The following COL24A1 variants were observed in gnomAD, a reference collection of about 807,000 sequenced individuals.
COL24A1 encodes collagen type XXIV alpha 1 chain, also known as collagen alpha-1(XXIV) chain.
In COL24A1, 224 loss-of-function variants were observed where a neutral mutation model predicts 253.9. The ratio of observed to expected loss-of-function variants is 0.88; its 90% CI spans 0.79 to 0.99. COL24A1 has a LOEUF of 0.99. Among genes scored for constraint, COL24A1 ranks in the 50% least tolerant of loss-of-function variants. The pLI is 0.00. For missense variants in COL24A1, 2,131 were observed against 2,068.5 expected (o/e 1.03, Z -0.59); for synonymous variants, 685 against 673.7 (o/e 1.02, Z -0.26).
intron 47 of COL24A1, among the ~76,000 whole-genome samples, chr1:85,812,057 G>A (rs1414806561): frequency 6.6e-6 from 1 of 152,082 alleles, no homozygotes; most frequent in East Asian, 1.9e-4. Context: ...AGCTTGCTCC[G>A]ATTGAAACTG....
intron 48 of COL24A1, among the ~76,000 whole-genome samples, 192 bp from the exon 49 acceptor site, chr1:85,784,558 A>C (rs1669477545): frequency 6.6e-6 from 1 of 152,158 alleles, no homozygotes; most frequent in East Asian, 1.9e-4. Flanking sequence ...ATAATGTACC[A>C]GAAGAGTAGC....
intron 37 of COL24A1, among the ~76,000 whole-genome samples, chr1:85,859,148 T>C (rs765177613): frequency 5.3e-5 from 8 of 152,198 alleles, no homozygotes; most frequent in Non-Finnish European, 1.2e-4. Flanking sequence ...GAACCTTGTC[T>C]GTTTTGTTCA....
intron 58 of COL24A1, chr1:85,736,554 G>A: frequency 4.4e-6 from 2 of 452,316 alleles, no homozygotes; most frequent in South Asian, 3.1e-5. Flanking sequence ...TAATAATGGT[G>A]AATGCCTATT....
intron 32 of COL24A1, among the ~76,000 whole-genome samples, chr1:85,887,531 G>T (rs1185956482): frequency 3.3e-5 from 5 of 151,800 alleles, no homozygotes; most frequent in Non-Finnish European, 5.9e-5. Flanking sequence ...GGGTCATGTG[G>T]TCTCTGTCAA....
chr1:85,998,989 G>C (rs1204969251), intron 19 of COL24A1, among the ~76,000 whole-genome samples: 2 of 152,176 alleles, frequency 1.3e-5, no homozygotes, highest in East Asian at 1.9e-4. Flanking sequence ...AAACTGTCAG[G>C]CTAAATTGTT....
At chr1:86,065,687 A>C (rs1479728878) in intron 7 of COL24A1, among the ~76,000 whole-genome samples, 1 of 151,732 alleles carries the variant, frequency 6.6e-6, no homozygotes. Flanking sequence ...CCAGCTACTC[A>C]AGATGCTGAG....
intron 24 of COL24A1, among the ~76,000 whole-genome samples, chr1:85,943,677 T>C (rs1298721965): frequency 1.3e-5 from 2 of 152,232 alleles, no homozygotes; most frequent in Non-Finnish European, 1.5e-5. Context: ...ACAACATATG[T>C]TTATAAAATG....
intron 19 of COL24A1, among the ~76,000 whole-genome samples, chr1:85,999,403 T>C (rs1057513944): frequency 1.3e-5 from 2 of 152,104 alleles, no homozygotes; most frequent in Non-Finnish European, 2.9e-5. Context: ...GGTGGGCAGA[T>C]AGGCAGATAG....
chr1:85,827,215 T>C (rs1674484049), intron 43 of COL24A1, among the ~76,000 whole-genome samples: 2 of 152,040 alleles, frequency 1.3e-5, no homozygotes, highest in South Asian at 2.1e-4. Flanking sequence ...TCTGTTTATA[T>C]GGTGGATTAC....
At chr1:85,811,792 T>G (rs1051218491) in intron 47 of COL24A1, among the ~76,000 whole-genome samples, 12 of 152,230 alleles carry the variant, frequency 7.9e-5, no homozygotes, top group Non-Finnish European at 1.6e-4. Flanking sequence ...TTTGCCAGGT[T>G]GCCAGTTTTG....
At chr1:85,756,057 C>CAAAAAAA (rs200030128) in intron 55 of COL24A1, among the ~76,000 whole-genome samples, 17 of 95,806 alleles carry the variant, frequency 1.8e-4, no homozygotes, top group East Asian at 3.3e-4. Flanking sequence ...TACTAACAAC[C>CAAAAAAA]AAAAAAAAAA....
rs553805119 is a variant in COL24A1, at chr1:86,008,402, G to T, written c.2310+8749C>A. Reference sequence around the variant, plus strand: ...TGGGACTATAAATGCACACCACCATGCCAGGCTAATTTTTGTGTCTTTTTT... The same window carrying T: ...TGGGACTATAAATGCACACCACCATTCCAGGCTAATTTTTGTGTCTTTTTT... On this transcript the variant is annotated intron_variant, in intron 19 of 59. Coordinates refer to ENST00000370571, the MANE Select transcript of COL24A1 (RefSeq NM_152890.7). 1.7e-3 allele frequency among the ~76,000 whole-genome samples: 263 copies of T among 152,078 alleles called. 1 individual carries two copies. Among genetic ancestry groups the T allele is most frequent in the Middle Eastern group, 3.4e-3 (1 of 294 alleles).
Position 86,156,392 on chromosome 1 carries a change from T to A in COL24A1, c.5A>T (p.His2Leu), listed in dbSNP as rs1653628022. 6.2e-7 allele frequency: 1 copy of A among 1,611,748 alleles called. No individual in the cohort carries two copies. The highest frequency in any genetic ancestry group is 2.2e-5 in the East Asian group (1 of 44,740). Residue 2 changes from histidine to leucine, a missense_variant, in exon 1 of 60, where the codon CAT becomes CTT. Physicochemically the swap from His to Leu is moderately conservative, Grantham distance 99 (BLOSUM62 -3). Transcript: ENST00000370571. M[H>L]LRAHRTRRGK... Reference sequence around the variant, plus strand: ...ACGCCTTGTTCTGTGGGCTCTTAAATGCATTTGTATGCATTTGTCCGTGCA... The same window carrying A: ...ACGCCTTGTTCTGTGGGCTCTTAAAAGCATTTGTATGCATTTGTCCGTGCA...
intron 24 of COL24A1, among the ~76,000 whole-genome samples, chr1:85,917,092 C>T (rs1685964957): frequency 6.6e-6 from 1 of 152,084 alleles, no homozygotes; most frequent in African/African-American, 2.4e-5. Context: ...ACCTCAACAC[C>T]AGCTAAAATT....
intron 7 of COL24A1, 34 bp downstream of exon 7, chr1:86,089,140 A>AAT: frequency 6.5e-7 from 1 of 1,532,886 alleles, no homozygotes; most frequent in Non-Finnish European, 8.8e-7. Context: ...GAAAAAAAGA[A>AAT]GAAAAAAAGA....
rs202234607 is a variant in COL24A1, at chr1:86,125,273, G to A, written c.1063C>T (p.Arg355Cys). ...GTATTCATTTTTGCCTCACTGATGC[G>A]ATGAGTGGTCACTGACAGGCTGAAA... ...TNFSLSVTTH[R>C]ISEAKMNTKE... The change falls in exon 3 of 60, where the codon CGC becomes TGC. Residue 355 changes from arginine to cysteine, a missense_variant. Coordinates refer to ENST00000370571, the MANE Select transcript of COL24A1 (RefSeq NM_152890.7). The A allele has an allele frequency of 1.8e-5, 29 of 1,613,544 alleles. No homozygotes were observed. The African/African-American group carries it at 2.4e-4, about 13-fold the overall frequency.
At chr1:85,896,090 A>T (rs1192934969) in intron 29 of COL24A1, 25 bp from the exon 30 acceptor site, 2 of 1,609,140 alleles carry the variant, frequency 1.2e-6, no homozygotes, top group African/African-American at 2.7e-5. Context: ...AAGCCAGGTG[A>T]GTTAGTAAGA....
At chr1:85,789,675 T>A (rs942316040) in intron 47 of COL24A1, among the ~76,000 whole-genome samples, 3 of 152,164 alleles carry the variant, frequency 2.0e-5, no homozygotes, top group African/African-American at 7.2e-5. Flanking sequence ...CAGTATGATA[T>A]CAGCTGTGGG....
At position 85,822,713 on chromosome 1, in the gene COL24A1, T is replaced by C. The variant is rs143960590; in HGVS notation, c.3789+823A>G. On this transcript the variant is annotated intron_variant, in intron 45 of 59. Coordinates refer to ENST00000370571, the MANE Select transcript of COL24A1 (RefSeq NM_152890.7). ...TCAGGCTCCTGAACCTTCTAAGCCC[T>C]CCGTGTACTTCCTTGTAAAATCCAG... Among the ~76,000 whole-genome samples the C allele has an allele frequency of 6.6e-3, 1,011 of 152,332 alleles. 13 individuals are homozygous for C. The highest frequency in any genetic ancestry group is 0.023 in the African/African-American group (950 of 41,576).
Sources: gnomAD v4.1 joint callset for allele counts (sites outside exome capture counted in the v4.1 genomes callset) on GRCh38, gnomAD v4.1.1 for gene constraint, MANE v1.5 for transcripts, NCBI Gene and HGNC (gene_info 2026-07-23, HGNC 2026-07-21) for gene names.